Variants in PDGFC observed in about 807,000 individuals in gnomAD.
The protein encoded by PDGFC is platelet-derived growth factor C.
PDGFC carries 12 observed loss-of-function variants against 35.5 expected under a neutral mutation model. The observed-to-expected ratio is 0.34, with a 90% CI of 0.22 to 0.55. The LOEUF (loss-of-function observed/expected upper bound fraction) is 0.55, where lower values mean the gene tolerates loss of function less well. Ranked by LOEUF, PDGFC falls within the 20% of genes least tolerant of loss-of-function variation. The pLI, the probability that PDGFC is intolerant of heterozygous loss-of-function variation, is 0.91. For missense variants in PDGFC, 322 were observed against 412.4 expected (o/e 0.78, Z 1.90); for synonymous variants, 159 against 148.8 (o/e 1.07, Z -0.50).
intron 3 of PDGFC, among the ~76,000 whole-genome samples, chr4:156,782,985 C>T (rs1414598448): frequency 6.6e-6 from 1 of 152,022 alleles, no homozygotes; most frequent in African/African-American, 2.4e-5. Flanking sequence ...AAGTAAAAAC[C>T]CAAGTGCTGT....
intron 1 of PDGFC, among the ~76,000 whole-genome samples, chr4:156,884,622 A>G (rs895787238): frequency 6.6e-6 from 1 of 152,204 alleles, no homozygotes; most frequent in African/African-American, 2.4e-5. Flanking sequence ...AAAAATTTCA[A>G]TATTTGTATT....
intron 1 of PDGFC, among the ~76,000 whole-genome samples, chr4:156,970,546 G>C (rs1459642293): frequency 2.0e-5 from 3 of 152,194 alleles, no homozygotes; most frequent in Non-Finnish European, 2.9e-5. Context: ...ATCGCTCCCA[G>C]AATGTCCTCA....
intron 1 of PDGFC, among the ~76,000 whole-genome samples, chr4:156,910,350 A>G (rs1427178618): frequency 1.3e-5 from 2 of 152,116 alleles, no homozygotes; most frequent in African/African-American, 4.8e-5. Flanking sequence ...TGTAGTAAAT[A>G]CCATGCTGCA....
At chr4:156,839,900 G>A (rs1239878640) in intron 2 of PDGFC, among the ~76,000 whole-genome samples, 7 of 152,140 alleles carry the variant, frequency 4.6e-5, no homozygotes, top group South Asian at 2.1e-4. Flanking sequence ...AGAGACTGGC[G>A]GTTTTTTGCT....
intron 1 of PDGFC, among the ~76,000 whole-genome samples, chr4:156,966,293 T>A (rs1463518139): frequency 1.3e-5 from 2 of 152,114 alleles, no homozygotes; most frequent in Non-Finnish European, 2.9e-5. Flanking sequence ...AGAGATTACA[T>A]AGAGTTACAC....
At chr4:156,826,316 CTGAGTAGCTG>C (rs112851802) in intron 2 of PDGFC, among the ~76,000 whole-genome samples, 8,900 of 149,238 alleles carry the variant, frequency 0.06, 862 homozygotes, top group African/African-American at 0.21. Context: ...CCTCAGCCTC[CTGAGTAGCTG>C]TGAGTAGCTG....
intron 1 of PDGFC, among the ~76,000 whole-genome samples, chr4:156,927,536 C>G (rs982592521): frequency 1.3e-5 from 2 of 152,178 alleles, no homozygotes; most frequent in Non-Finnish European, 2.9e-5. Context: ...TCATCTCTCT[C>G]AAGTTCAAAG....
intron 2 of PDGFC, among the ~76,000 whole-genome samples, chr4:156,839,645 C>T (rs1338660304): frequency 3.3e-5 from 5 of 152,022 alleles, no homozygotes; most frequent in African/African-American, 1.2e-4. Flanking sequence ...GAAACTGGAA[C>T]CATTTGGAGG....
chr4:156,927,961 G>A (rs931731956), intron 1 of PDGFC, among the ~76,000 whole-genome samples: 2 of 152,122 alleles, frequency 1.3e-5, no homozygotes, highest in African/African-American at 4.8e-5. Flanking sequence ...ACATGGCTGA[G>A]GAGGCCTCAG....
chr4:156,856,147 G>A (rs182930488), intron 1 of PDGFC, among the ~76,000 whole-genome samples: 133 of 152,150 alleles, frequency 8.7e-4, no homozygotes, highest in African/African-American at 3.0e-3. Context: ...AAACAACAAA[G>A]CTAGTGTTGG....
intron 2 of PDGFC, among the ~76,000 whole-genome samples, chr4:156,846,258 TG>T (rs1729323074): frequency 6.6e-6 from 1 of 151,826 alleles, no homozygotes; most frequent in Non-Finnish European, 1.5e-5. Flanking sequence ...AGAAATCTGG[TG>T]GATAGTCATC....
chr4:156,861,538 T>C, intron 1 of PDGFC: 1 of 679,664 alleles, frequency 1.5e-6, no homozygotes, highest in Non-Finnish European at 2.3e-6. Flanking sequence ...TGACCTCAAA[T>C]CCTAATCTAG....
intron 1 of PDGFC, among the ~76,000 whole-genome samples, chr4:156,935,723 C>T (rs574959370): frequency 2.6e-5 from 4 of 152,208 alleles, no homozygotes; most frequent in Admixed American, 6.5e-5. Context: ...ACCAGGAACT[C>T]GCAGGAACCT....
intron 5 of PDGFC, 121 bp downstream of exon 5, chr4:156,767,652 C>G (rs991234880): frequency 2.0e-5 from 13 of 640,688 alleles, no homozygotes; most frequent in Non-Finnish European, 3.3e-5. Context: ...ATTTGTAGAC[C>G]TCTTTTTTTT....
At chr4:156,788,222 C>G (rs1731183512) in intron 3 of PDGFC, among the ~76,000 whole-genome samples, 1 of 151,814 alleles carries the variant, frequency 6.6e-6, no homozygotes, top group African/African-American at 2.4e-5. Context: ...AAAACACACA[C>G]AGAACACATT....
At chr4:156,894,549 A>T (rs1012095696) in intron 1 of PDGFC, among the ~76,000 whole-genome samples, 2 of 152,230 alleles carry the variant, frequency 1.3e-5, no homozygotes, top group East Asian at 3.8e-4. Flanking sequence ...AATGCAATTA[A>T]TCCGAGCAAA....
chr4:156,946,428 T>A (rs182957619), intron 1 of PDGFC, among the ~76,000 whole-genome samples: 1 of 152,102 alleles, frequency 6.6e-6, no homozygotes, highest in Non-Finnish European at 1.5e-5. Context: ...ATAAAAATTA[T>A]AAACAAGCAT....
intron 1 of PDGFC, among the ~76,000 whole-genome samples, chr4:156,884,898 C>T (rs1273590161): frequency 6.6e-6 from 1 of 152,128 alleles, no homozygotes; most frequent in Non-Finnish European, 1.5e-5. Flanking sequence ...CAAGTTTTAA[C>T]AAGATACATA....
intron 1 of PDGFC, among the ~76,000 whole-genome samples, chr4:156,951,705 A>G (rs1208269925): frequency 6.6e-6 from 1 of 150,722 alleles, no homozygotes; most frequent in African/African-American, 2.4e-5. Flanking sequence ...CTAAAATCTG[A>G]GCCTGAATAT....
Sources: gnomAD v4.1 joint callset for allele counts (sites outside exome capture counted in the v4.1 genomes callset) on GRCh38, gnomAD v4.1.1 for gene constraint, MANE v1.5 for transcripts, NCBI Gene and HGNC (gene_info 2026-07-23, HGNC 2026-07-21) for gene names.